SCARA5: variants seen among roughly 807,000 people sequenced by gnomAD.
SCARA5 encodes the protein scavenger receptor class A, member 5 (putative).
Under a neutral mutation model 46.3 loss-of-function variants are expected in SCARA5, and 45 were observed. The observed-to-expected ratio is 0.97, with a 90% CI of 0.76 to 1.24. SCARA5 has a LOEUF of 1.24. SCARA5 is among the 50% of genes most tolerant of loss of function. SCARA5 has a pLI of 0.00. For synonymous variants in SCARA5, 333 were observed against 306.5 expected, an observed-to-expected ratio of 1.09 and a Z score of -0.90; for missense variants, 680 against 689.0, an observed-to-expected ratio of 0.99 and a Z score of 0.15.
At chr8:27,939,230 C>A (rs968140296) in intron 3 of SCARA5, among the ~76,000 whole-genome samples, 1 of 152,316 alleles carries the variant, frequency 6.6e-6, no homozygotes, top group South Asian at 2.1e-4. Flanking sequence ...CTCCACCACC[C>A]CAAACACCAT....
At chr8:27,902,456 G>T (rs762904648) in intron 7 of SCARA5, among the ~76,000 whole-genome samples, 18 of 152,302 alleles carry the variant, frequency 1.2e-4, no homozygotes, top group Admixed American at 5.2e-4. Context: ...AAGGTGAATA[G>T]AGACCACGCA....
intron 2 of SCARA5, among the ~76,000 whole-genome samples, chr8:27,983,826 T>C (rs896658418): frequency 3.9e-5 from 6 of 152,132 alleles, no homozygotes; most frequent in African/African-American, 1.4e-4. Context: ...GAAGGCTGCA[T>C]CTTACCTTCA....
At chr8:27,892,018 TG>T (rs1416916278) in intron 7 of SCARA5, among the ~76,000 whole-genome samples, 1 of 152,210 alleles carries the variant, frequency 6.6e-6, no homozygotes, top group African/African-American at 2.4e-5. Flanking sequence ...GCCTTCCACG[TG>T]GGAAAGACCG....
chr8:27,969,073 A>C (rs573953016), intron 2 of SCARA5, among the ~76,000 whole-genome samples: 1 of 152,244 alleles, frequency 6.6e-6, no homozygotes, highest in Non-Finnish European at 1.5e-5. Context: ...CAAGCAGAAC[A>C]TGAATGATCT....
At chr8:27,981,234 T>G (rs1029195557) in intron 2 of SCARA5, among the ~76,000 whole-genome samples, 2 of 152,260 alleles carry the variant, frequency 1.3e-5, no homozygotes, top group South Asian at 2.1e-4. Context: ...TCCCTCAGAT[T>G]AGGACACATC....
intron 2 of SCARA5, 56 bp from the exon 3 acceptor site, chr8:27,966,598 C>G: frequency 2.0e-6 from 3 of 1,534,566 alleles, no homozygotes; most frequent in South Asian, 1.3e-5. Context: ...ACCCCATAAG[C>G]TCTTTTCTTT....
chr8:27,958,351 C>A (rs4493867), intron 3 of SCARA5, among the ~76,000 whole-genome samples: 1 of 152,178 alleles, frequency 6.6e-6, no homozygotes, highest in Non-Finnish European at 1.5e-5. Context: ...GCAGGAGAAG[C>A]TCTGATGGCT....
intron 3 of SCARA5, among the ~76,000 whole-genome samples, chr8:27,957,072 G>C (rs1808218148): frequency 6.6e-6 from 1 of 152,174 alleles, no homozygotes; most frequent in Non-Finnish European, 1.5e-5. Flanking sequence ...GGTGGGTTTA[G>C]GAGGCACAGA....
chr8:27,971,781 C>T (rs997273022), intron 2 of SCARA5, among the ~76,000 whole-genome samples: 19 of 151,854 alleles, frequency 1.3e-4, no homozygotes, highest in African/African-American at 3.9e-4. Flanking sequence ...GGCTGGGAGA[C>T]GTTGTTCATC....
At position 27,872,011 on chromosome 8, in the gene SCARA5, G is replaced by C; in HGVS notation, c.1411C>G (p.Arg471Gly). ...ACKGTEETIF[R>G]CSFSKWGVTN... is the part of the protein sequence containing the mutation. Reference sequence around the variant, plus strand: ...ACCCCCCATTTGGAGAAGCTGCAGCGGAAGATGGTTTCCTCTGTGCCCTTG... The same window carrying C: ...ACCCCCCATTTGGAGAAGCTGCAGCCGAAGATGGTTTCCTCTGTGCCCTTG... Residue 471 changes from arginine (R) to glycine (G), a missense_variant, in exon 9 of 9, where the codon CGC (arginine) becomes GGC (glycine). Around this residue, in one of 3 missense-constraint regions of SCARA5, gnomAD observed 219 missense variants for 269.5 expected, o/e 0.81. Coordinates refer to ENST00000354914, the MANE Select transcript of SCARA5 (RefSeq NM_173833.6). 6.2e-7 allele frequency: 1 copy of C among 1,614,222 alleles called. No individual in the cohort carries two copies. The highest frequency in any genetic ancestry group is 8.5e-7 in the Non-Finnish European group (1 of 1,180,024).
intron 8 of SCARA5, among the ~76,000 whole-genome samples, chr8:27,873,415 C>T (rs1322282962): frequency 6.6e-6 from 1 of 152,158 alleles, no homozygotes; most frequent in African/African-American, 2.4e-5. Context: ...ACATGTATGT[C>T]CAGCTGGCCT....
chr8:27,909,574 GA>G (rs1807336242), intron 5 of SCARA5, 88 bp downstream of exon 5: 1 of 908,784 alleles, frequency 1.1e-6, no homozygotes, highest in Non-Finnish European at 1.7e-6. Context: ...CTCCCCTGGG[GA>G]GCCCTGGCAT....
rs186196385 is a variant in SCARA5, at chr8:27,912,090, G to A, written c.917-2347C>T. ...TGTGGATACCTTGATTTCAGACTTC[G>A]AGTCTCCAGAACTGTGAGAAAATAA... On this transcript the variant is annotated intron_variant, in intron 4 of 8. Coordinates refer to ENST00000354914, the MANE Select transcript of SCARA5 (RefSeq NM_173833.6). Among the ~76,000 whole-genome samples the A allele has an allele frequency of 2.0e-3, 306 of 152,234 alleles. 3 individuals carry two copies. The highest frequency in any genetic ancestry group is 0.018 in the Admixed American group (282 of 15,286).
chr8:27,952,131 T>G (rs1808137804), intron 3 of SCARA5, among the ~76,000 whole-genome samples: 13 of 151,226 alleles, frequency 8.6e-5, no homozygotes, highest in African/African-American at 2.4e-5. Context: ...GAAGGTTGGG[T>G]GTCGATGGGA....
intron 7 of SCARA5, among the ~76,000 whole-genome samples, chr8:27,894,078 G>T (rs900511164): frequency 1.3e-5 from 2 of 152,258 alleles, no homozygotes; most frequent in Non-Finnish European, 2.9e-5. Context: ...AAAAAGAGGA[G>T]AGAATGATTA....
At position 27,909,666 on chromosome 8, in the gene SCARA5, G is replaced by A. The variant is rs1022788310; in HGVS notation, c.994C>T (p.Arg332Ter). ...RPGIPGLPGL[R>*]GLPGERGTPG... ...CACCCAGGGGCACGCTCATTACCTC[G>A]AAGTCCAGGCAATCCAGGGATGCCA... The change falls in exon 5 of 9, where the codon CGA becomes TGA. Residue 332 changes from arginine (R) to a stop codon, truncating the protein, a stop_gained. Coordinates refer to ENST00000354914, the MANE Select transcript of SCARA5 (RefSeq NM_173833.6). LOFTEE classifies it high-confidence loss of function. The A allele has an allele frequency of 3.5e-5, 54 of 1,548,498 alleles. No homozygotes were observed. The highest frequency in any genetic ancestry group is 6.9e-5 in the African/African-American group (5 of 72,916).
At chr8:27,886,255 C>T (rs79934695) in intron 7 of SCARA5, 4,113 of 152,592 alleles carry the variant, frequency 0.027, 207 homozygotes, top group African/African-American at 0.094. Flanking sequence ...TGGAGGGCCG[C>T]CTGCCCACAG....
At chr8:27,891,199 G>GTTTTTTGTTTTT (rs1806975113) in intron 7 of SCARA5, among the ~76,000 whole-genome samples, 1 of 43,454 alleles carries the variant, frequency 2.3e-5, no homozygotes, top group Non-Finnish European at 7.3e-5. Flanking sequence ...CAATAGGTTT[G>GTTTTTTGTTTTT]TTTTTTTTTT....
intron 8 of SCARA5, 95 bp from the exon 9 acceptor site, chr8:27,872,165 G>T: frequency 7.4e-7 from 1 of 1,343,994 alleles, no homozygotes. Context: ...ACTTGGCTCT[G>T]CTGTACACTC....
Sources: gnomAD v4.1 joint callset for allele counts (sites outside exome capture counted in the v4.1 genomes callset) on GRCh38, gnomAD v4.1.1 for gene constraint, gnomAD v4.1.1 regional missense constraint, MANE v1.5 for transcripts, NCBI Gene and HGNC (gene_info 2026-07-23, HGNC 2026-07-21) for gene names.